MINK1: variants seen among roughly 807,000 people sequenced by gnomAD.
MINK1 encodes misshapen-like kinase 1.
MINK1 carries 46 observed loss-of-function variants against 178.4 expected under a neutral mutation model. The ratio of observed to expected loss-of-function variants is 0.26; its 90% CI spans 0.20 to 0.33. The LOEUF (loss-of-function observed/expected upper bound fraction) is 0.33, where lower values mean the gene tolerates loss of function less well. Ranked by LOEUF, MINK1 falls within the 10% of genes least tolerant of loss-of-function variation. The pLI is 1.00. For missense variants in MINK1, 1,366 were observed against 1,814.9 expected (o/e 0.75, Z 4.49); for synonymous variants, 797 against 709.7 (o/e 1.12, Z -1.96).
intron 1 of MINK1, among the ~76,000 whole-genome samples, chr17:4,858,753 C>T (rs947863754): frequency 6.6e-6 from 1 of 152,190 alleles, no homozygotes; most frequent in Non-Finnish European, 1.5e-5. Context: ...AAATTCTCTT[C>T]TCCCGCTTCC....
In MINK1 at chr17:4,896,627, G is replaced by A; in HGVS notation, c.3775+39G>A. 1 of 1,611,606 alleles carries A rather than the reference G, an allele frequency of 6.2e-7. No homozygotes were observed. Among genetic ancestry groups the A allele is most frequent in the African/African-American group, 1.3e-5 (1 of 75,016 alleles). On this transcript the variant is annotated intron_variant, in intron 30 of 31. Coordinates refer to ENST00000355280, the MANE Select transcript of MINK1 (RefSeq NM_153827.5). The surrounding 1 kb of genome is among the most constrained non-coding windows in gnomAD (Gnocchi z 4.6). Reference sequence around the variant, plus strand: ...CGCCCTCCCAGCCACATGCCCCGAGGTGGCCCCGGGGTGCAGCCTGCTCAG... The same window carrying A: ...CGCCCTCCCAGCCACATGCCCCGAGATGGCCCCGGGGTGCAGCCTGCTCAG...
intron 1 of MINK1, among the ~76,000 whole-genome samples, chr17:4,861,208 A>G (rs1209051844): frequency 6.6e-6 from 1 of 152,230 alleles, no homozygotes; most frequent in African/African-American, 2.4e-5. Flanking sequence ...TGTCACCAGG[A>G]CGTGCTGCTT....
At chr17:4,869,813 T>TTTG (rs751469042) in intron 1 of MINK1, among the ~76,000 whole-genome samples, 46 of 119,568 alleles carry the variant, frequency 3.8e-4, no homozygotes, top group Non-Finnish European at 7.0e-4. Flanking sequence ...TTATTTATTA[T>TTTG]TTTATTTGTT....
intron 4 of MINK1, among the ~76,000 whole-genome samples, chr17:4,884,067 A>C (rs1229246190): frequency 1.7e-5 from 2 of 115,778 alleles, no homozygotes; most frequent in Admixed American, 1.0e-4. Context: ...CTTGCTCACC[A>C]TGTTGGCCAG....
chr17:4,844,108 C>G (rs2150762498), intron 1 of MINK1, among the ~76,000 whole-genome samples: 1 of 152,246 alleles, frequency 6.6e-6, no homozygotes, highest in African/African-American at 2.4e-5. Flanking sequence ...GTTCAAGATC[C>G]TCCTGTCTCA....
intron 1 of MINK1, among the ~76,000 whole-genome samples, chr17:4,853,502 G>A (rs1912547469): frequency 6.6e-6 from 1 of 151,568 alleles, no homozygotes; most frequent in Admixed American, 6.6e-5. Flanking sequence ...TTGTTGCTGT[G>A]TGCCATCGGA....
chr17:4,857,224 G>A, intron 1 of MINK1: 1 of 312,736 alleles, frequency 3.2e-6, no homozygotes, highest in South Asian at 2.9e-5. Flanking sequence ...GACTTCATGT[G>A]GATCAGCTCT....
intron 1 of MINK1, among the ~76,000 whole-genome samples, chr17:4,871,338 A>G (rs1206524219): frequency 6.6e-6 from 1 of 151,782 alleles, no homozygotes; most frequent in East Asian, 1.9e-4. Context: ...CTACAGGTAC[A>G]TGCCACCTTG....
Position 4,894,111 on chromosome 17 carries a change from C to T in MINK1, c.2670+18C>T, listed in dbSNP as rs1969172651. 6.2e-7 allele frequency: 1 copy of T among 1,602,096 alleles called. No individual in the cohort carries two copies. Among genetic ancestry groups the T allele is most frequent in the East Asian group, 2.2e-5 (1 of 44,654 alleles). ...TCCAGCGCGTGAGTGAGCCTCTGCT[C>T]CCTCCCCTGTACCTGTGTGTGCCCT... is the stretch of plus-strand genomic sequence containing the variant. On this transcript the variant is annotated intron_variant, in intron 22 of 31. Coordinates refer to ENST00000355280, the MANE Select transcript of MINK1 (RefSeq NM_153827.5). This position sits in a 1 kb window ranked among gnomAD's most constrained non-coding sequence, Gnocchi z 4.1.
rs890094667 is a variant in MINK1, at chr17:4,886,339, A to G, written c.774-112A>G. The G allele has an allele frequency of 9.4e-6, 14 of 1,495,962 alleles. No homozygotes were observed. The highest frequency in any genetic ancestry group is 1.2e-5 in the Non-Finnish European group (13 of 1,080,984). The allele number at this position is 1,495,962 out of a possible 1,614,324, so 92.7% of individuals were successfully genotyped here. A position where few individuals can be genotyped will look rare whatever the true frequency, so the allele number is the denominator to read the frequency against. ...AGAGGGCGGTGACTGGTGTTGGGAT[A>G]TGAAGACAGGAGGGACGTCAAGGTG... On this transcript the variant is annotated intron_variant, in intron 9 of 31. Transcript: ENST00000355280. This position sits in a 1 kb window ranked among gnomAD's most constrained non-coding sequence, Gnocchi z 6.1.
At chr17:4,868,798 C>T (rs28817707) in intron 1 of MINK1, 4,926 of 308,506 alleles carry the variant, frequency 0.016, 68 homozygotes, top group Non-Finnish European at 0.024. Context: ...CAGGTTGGAG[C>T]GCAGTGGCAT....
intron 1 of MINK1, 130 bp from the exon 2 acceptor site, chr17:4,878,183 GGTTC>G (rs1967363900): frequency 1.5e-6 from 1 of 680,566 alleles, no homozygotes; most frequent in Admixed American, 2.5e-5. Flanking sequence ...CAGCCACCAG[GGTTC>G]CTGCCACGTG....
Position 4,894,909 on chromosome 17 carries a change from C to G in MINK1, c.2918-166C>G. 1.3e-6 allele frequency: 1 copy of G among 781,762 alleles called. No homozygotes were observed. The highest frequency in any genetic ancestry group is 2.7e-5 in the East Asian group (1 of 37,334). 48.4% of individuals were successfully genotyped at this position (781,762 alleles called of 1,614,324 possible). A position where few individuals can be genotyped will look rare whatever the true frequency, so the allele number is the denominator to read the frequency against. On this transcript the variant is annotated intron_variant, in intron 24 of 31. Transcript: ENST00000355280. The surrounding 1 kb of genome is among the most constrained non-coding windows in gnomAD (Gnocchi z 4.1). ...GGACTTGAGCCAGACCTTTTGACTCCAAGTCCAGCACTCTATCCCCCTCTC... is the reference window on the plus strand; with the variant it reads ...GGACTTGAGCCAGACCTTTTGACTCGAAGTCCAGCACTCTATCCCCCTCTC...
chr17:4,896,920 G>C lies in MINK1; in HGVS notation c.3915+107G>C, dbSNP rs576549700. On this transcript the variant is annotated intron_variant, in intron 31 of 31. Coordinates refer to ENST00000355280, the MANE Select transcript of MINK1 (RefSeq NM_153827.5). The surrounding 1 kb of genome is among the most constrained non-coding windows in gnomAD (Gnocchi z 4.6). ...ATGGTGGTGGTGGCTTCCTGAAAGC[G>C]GGCCCCTCTGGGAGCTCAGAGGGCA... 14 of 1,408,870 alleles carry C rather than the reference G, an allele frequency of 9.9e-6. No individual in the cohort carries two copies. Among genetic ancestry groups the C allele is most frequent in the Non-Finnish European group, 1.2e-5 (13 of 1,061,950 alleles). The allele number at this position is 1,408,870 out of a possible 1,614,324, so 87.3% of individuals were successfully genotyped here.
At chr17:4,849,396 C>G (rs1911567759) in intron 1 of MINK1, among the ~76,000 whole-genome samples, 1 of 152,104 alleles carries the variant, frequency 6.6e-6, no homozygotes, top group African/African-American at 2.4e-5. Flanking sequence ...GACATTGGCA[C>G]AGAAATGTAT....
Position 4,833,707 on chromosome 17 carries a change from C to T in MINK1, c.57+67C>T. The T allele has an allele frequency of 7.6e-7, 1 of 1,318,908 alleles. No individual in the cohort carries two copies. Among genetic ancestry groups the T allele is most frequent in the Admixed American group, 2.8e-5 (1 of 35,442 alleles). The allele number at this position is 1,318,908 out of a possible 1,614,324, so 81.7% of individuals were successfully genotyped here. On this transcript the variant is annotated intron_variant, in intron 1 of 31. Transcript: ENST00000355280. This position sits in a 1 kb window ranked among gnomAD's most constrained non-coding sequence, Gnocchi z 4.8. The stretch of plus-strand genomic sequence containing the variant: ...CGCCGCAGGGGAGGGAGCGGGGTGG[C>T]TGCACGCCTCACGTGCTCCCGGGCG...
rs1289303428 is a variant in MINK1 at position 4,896,770 on chromosome 17, A to G, written c.3872A>G (p.Lys1291Arg). 1 of 1,591,302 alleles carries G rather than the reference A, an allele frequency of 6.3e-7. No individual in the cohort carries two copies. The highest frequency in any genetic ancestry group is 8.6e-7 in the Non-Finnish European group (1 of 1,168,582). ...CACCTCGACGGGGTCTTCATGCACA[A>G]ACGAGCTCAGAGGCTCAAGTTCCTG... ...TGHLDGVFMHKRAQRLKFLCE... is the reference protein window; with the variant it reads ...TGHLDGVFMHRRAQRLKFLCE... Residue 1291 changes from lysine (K) to arginine (R), a missense_variant, in exon 31 of 32, where the codon AAA becomes AGA. This residue lies in a region of MINK1 where 201 missense variants were observed against 240.7 expected (regional missense o/e 0.84). Coordinates refer to ENST00000355280, the MANE Select transcript of MINK1 (RefSeq NM_153827.5). The surrounding 1 kb of genome is among the most constrained non-coding windows in gnomAD (Gnocchi z 4.6).
intron 1 of MINK1, among the ~76,000 whole-genome samples, chr17:4,870,821 T>G (rs966286542): frequency 1.4e-4 from 21 of 152,196 alleles, no homozygotes; most frequent in African/African-American, 4.8e-4. Flanking sequence ...TGAGACCCTG[T>G]CTCAAAAAAC....
intron 1 of MINK1, among the ~76,000 whole-genome samples, chr17:4,855,816 C>CA (rs371141785): frequency 5.1e-5 from 7 of 137,096 alleles, no homozygotes; most frequent in East Asian, 2.1e-4. Flanking sequence ...ACTAAAAATA[C>CA]AAAAAAAATC....
Sources: gnomAD v4.1 joint callset for allele counts (sites outside exome capture counted in the v4.1 genomes callset) on GRCh38, gnomAD v4.1.1 for gene constraint, gnomAD v4.1.1 regional missense constraint, Gnocchi (gnomAD v3.1) non-coding constraint, MANE v1.5 for transcripts, NCBI Gene and HGNC (gene_info 2026-07-23, HGNC 2026-07-21) for gene names.